ATF7IP: variants seen among roughly 807,000 people sequenced by gnomAD.
The protein encoded by ATF7IP is activating transcription factor 7-interacting protein 1.
In ATF7IP, 23 loss-of-function variants were observed where a neutral mutation model predicts 106.4. The observed-to-expected ratio is 0.22, with a 90% CI of 0.16 to 0.31. The LOEUF is 0.31. ATF7IP is among the 10% of genes least tolerant of loss of function. The pLI, the probability that ATF7IP is intolerant of heterozygous loss-of-function variation, is 1.00. For synonymous variants in ATF7IP, 542 were observed against 539.0 expected (o/e 1.01, Z -0.08); for missense variants, 1,334 against 1,524.3 (o/e 0.88, Z 2.08).
At chr12:14,386,900 T>A (rs2136423429) in intron 1 of ATF7IP, among the ~76,000 whole-genome samples, 1 of 152,304 alleles carries the variant, frequency 6.6e-6, no homozygotes, top group East Asian at 1.9e-4. Context: ...GAATATAAGA[T>A]CTATATGTAC....
chr12:14,413,488 C>G (rs930187528), intron 1 of ATF7IP, among the ~76,000 whole-genome samples: 2 of 152,040 alleles, frequency 1.3e-5, no homozygotes, highest in African/African-American at 4.8e-5. Flanking sequence ...GGTACCAAAA[C>G]TTAAATGATG....
chr12:14,460,397 A>T, intron 8 of ATF7IP, 98 bp from the exon 9 acceptor site: 9 of 1,189,748 alleles, frequency 7.6e-6, no homozygotes, highest in African/African-American at 1.5e-5. Context: ...AGTCTTTGCA[A>T]TGTATTACGC....
chr12:14,498,172 A>G lies in ATF7IP; in HGVS notation c.*99A>G, dbSNP rs1003630770. 7 of 1,204,302 alleles carry G rather than the reference A, an allele frequency of 5.8e-6. No individual in the cohort carries two copies. The African/African-American group carries it at 9.1e-5, about 16-fold the overall frequency. 74.6% of individuals were successfully genotyped at this position (1,204,302 alleles called of 1,614,324 possible). On this transcript the variant is annotated 3_prime_UTR_variant, in exon 15 of 15. Coordinates refer to ENST00000261168, the MANE Select transcript of ATF7IP (RefSeq NM_018179.5). ...CCCCATGTAAAATCCACCTTGTGCA[A>G]GATTTCTTGGACAGATGTGTGTATA...
chr12:14,426,304 C>G (rs1234446925), intron 2 of ATF7IP, among the ~76,000 whole-genome samples: 1 of 152,046 alleles, frequency 6.6e-6, no homozygotes, highest in Non-Finnish European at 1.5e-5. Context: ...ACTTTCTAAG[C>G]CTGTGGAAGA....
At chr12:14,375,398 C>T (rs183634535) in intron 1 of ATF7IP, among the ~76,000 whole-genome samples, 43 of 152,078 alleles carry the variant, frequency 2.8e-4, no homozygotes, top group Non-Finnish European at 4.9e-4. Flanking sequence ...TAAAATATGA[C>T]TGTGAAGAAC....
At chr12:14,468,457 A>G (rs1302735757) in intron 10 of ATF7IP, among the ~76,000 whole-genome samples, 1 of 148,964 alleles carries the variant, frequency 6.7e-6, no homozygotes, top group Non-Finnish European at 1.5e-5. Context: ...CCTGGGCAGC[A>G]AAGTGAGACT....
intron 1 of ATF7IP, among the ~76,000 whole-genome samples, chr12:14,417,373 A>T (rs573038983): frequency 6.6e-6 from 1 of 152,188 alleles, no homozygotes; most frequent in Non-Finnish European, 1.5e-5. Flanking sequence ...AACACTTCAT[A>T]ATACTATCCC....
At chr12:14,435,684 A>G (rs969642976) in intron 3 of ATF7IP, among the ~76,000 whole-genome samples, 6 of 152,184 alleles carry the variant, frequency 3.9e-5, no homozygotes, top group Non-Finnish European at 8.8e-5. Context: ...CTTACGGAGG[A>G]AAAAGAATAA....
intron 1 of ATF7IP, among the ~76,000 whole-genome samples, chr12:14,377,373 TGA>T (rs1938791125): frequency 6.6e-6 from 1 of 151,114 alleles, no homozygotes; most frequent in Non-Finnish European, 1.5e-5. Context: ...TTTTTTTTTT[TGA>T]GACGTTGTCT....
At chr12:14,383,279 A>G (rs1939073993) in intron 1 of ATF7IP, among the ~76,000 whole-genome samples, 1 of 152,258 alleles carries the variant, frequency 6.6e-6, no homozygotes, top group Non-Finnish European at 1.5e-5. Context: ...AAAAGTAGTC[A>G]GGATTTACAT....
At chr12:14,433,669 T>A (rs1942257446) in intron 2 of ATF7IP, among the ~76,000 whole-genome samples, 1 of 149,802 alleles carries the variant, frequency 6.7e-6, no homozygotes, top group African/African-American at 2.5e-5. Context: ...AAACTCAGTC[T>A]CAAAAAAAAA....
At chr12:14,488,236 T>A (rs184500360) in intron 13 of ATF7IP, among the ~76,000 whole-genome samples, 2 of 151,928 alleles carry the variant, frequency 1.3e-5, no homozygotes, top group East Asian at 1.9e-4. Flanking sequence ...TTTGTAGATA[T>A]AGTATATTTT....
intron 1 of ATF7IP, among the ~76,000 whole-genome samples, chr12:14,403,339 G>C (rs1229928717): frequency 6.6e-6 from 1 of 151,812 alleles, no homozygotes; most frequent in Non-Finnish European, 1.5e-5. Flanking sequence ...TTAGGATAGA[G>C]ATGTTAATCT....
intron 13 of ATF7IP, among the ~76,000 whole-genome samples, chr12:14,485,557 C>T (rs1379380974): frequency 6.6e-6 from 1 of 152,092 alleles, no homozygotes. Flanking sequence ...GTGATATCTT[C>T]CAGGAGCAAA....
At chr12:14,465,217 GA>G (rs1182606366) in intron 9 of ATF7IP, among the ~76,000 whole-genome samples, 1 of 149,360 alleles carries the variant, frequency 6.7e-6, no homozygotes, top group Non-Finnish European at 1.5e-5. Flanking sequence ...GTCTCAAAAA[GA>G]AAAAAAATAA....
intron 5 of ATF7IP, among the ~76,000 whole-genome samples, chr12:14,439,835 A>C (rs2136635987): frequency 7.3e-6 from 1 of 136,800 alleles, no homozygotes; most frequent in Non-Finnish European, 1.6e-5. Flanking sequence ...TCTGTCTCCA[A>C]AATAAATCCA....
chr12:14,405,847 T>C (rs1940550420), intron 1 of ATF7IP, among the ~76,000 whole-genome samples: 1 of 152,222 alleles, frequency 6.6e-6, no homozygotes, highest in Admixed American at 6.5e-5. Context: ...TTAGTTGCTA[T>C]ACTAATTGTT....
At position 14,427,975 on chromosome 12, in the gene ATF7IP, C is replaced by T. The variant is rs113012395; in HGVS notation, c.1558+2502C>T. ...TTATAATGCTAAAGCTTTATGATGG[C>T]GCTGGAATGCCAATAAAGAACTTCA... On this transcript the variant is annotated intron_variant, in intron 2 of 14. Transcript: ENST00000261168. 5.2e-3 allele frequency among the ~76,000 whole-genome samples: 791 copies of T among 152,010 alleles called. 2 individuals carry two copies. The highest frequency in any genetic ancestry group is 0.015 in the East Asian group (77 of 5,170).
chr12:14,478,377 G>A lies in ATF7IP; in HGVS notation c.3002G>A (p.Arg1001Gln), dbSNP rs770349087. The A allele has an allele frequency of 2.2e-5, 36 of 1,613,792 alleles. No individual in the cohort carries two copies. The highest frequency in any genetic ancestry group is 1.2e-4 in the South Asian group (11 of 91,070). The change falls in exon 12 of 15, where the codon CGA becomes CAA. Residue 1001 changes from arginine (R) to glutamine (Q), a missense_variant. Arg to Gln is a conservative substitution (Grantham distance 43). Around this residue, in one of 10 missense-constraint regions of ATF7IP, gnomAD observed 370 missense variants for 401.2 expected, o/e 0.92. Coordinates refer to ENST00000261168, the MANE Select transcript of ATF7IP (RefSeq NM_018179.5). ...STMSSSQPVS[R>Q]PLQPIQPAPP... ...ATGAGTTCTTCTCAGCCTGTGTCAC[G>A]ACCATTGCAACCCATACAACCAGCA...
Sources: allele counts gnomAD v4.1 joint callset (sites outside exome capture counted in the v4.1 genomes callset), GRCh38; gene constraint gnomAD v4.1.1; regional missense constraint gnomAD v4.1.1; transcripts MANE v1.5; gene names NCBI Gene and HGNC (gene_info 2026-07-23, HGNC 2026-07-21).